NLGN4X: variants seen among roughly 807,000 people sequenced by gnomAD.
NLGN4X encodes the protein neuroligin-4, X-linked.
A neutral mutation model predicts 40.3 loss-of-function variants in NLGN4X; 3 were observed. The observed-to-expected ratio is 0.07, with a 90% CI of 0.03 to 0.19. The LOEUF (loss-of-function observed/expected upper bound fraction) is 0.19. Among genes scored for constraint, NLGN4X ranks in the 10% least tolerant of loss-of-function variants. The pLI is 1.00. For missense variants in NLGN4X, 382 were observed against 708.3 expected, an observed-to-expected ratio of 0.54 and a Z score of 5.23; for synonymous variants, 270 against 306.8, an observed-to-expected ratio of 0.88 and a Z score of 1.25.
At chrX:6,068,270 G>C (rs1358815345) in intron 2 of NLGN4X, among the ~76,000 whole-genome samples, 3 of 111,876 alleles carry the variant, frequency 2.7e-5, no homozygotes, top group African/African-American at 9.7e-5. Context: ...ACCCTGGTCA[G>C]CAGTTGGGTT....
intron 1 of NLGN4X, among the ~76,000 whole-genome samples, chrX:6,216,806 T>G (rs748912848): frequency 8.9e-6 from 1 of 112,095 alleles, no homozygotes; most frequent in Middle Eastern, 4.2e-3. Context: ...TTTTAAGAGA[T>G]GGAGTGTCAC....
At chrX:5,910,320 TAA>T (rs1272100313) in intron 3 of NLGN4X, among the ~76,000 whole-genome samples, 1 of 103,166 alleles carries the variant, frequency 9.7e-6, no homozygotes, top group Non-Finnish European at 2.0e-5. Context: ...AAAGAATTTT[TAA>T]AAGTTTTTTT....
intron 1 of NLGN4X, among the ~76,000 whole-genome samples, chrX:6,226,324 A>G (rs1236719332): frequency 1.2e-5 from 1 of 81,561 alleles, no homozygotes; most frequent in African/African-American, 4.8e-5. Context: ...CGCAGTCCGG[A>G]AAAAAAAAAA....
chrX:6,104,332 C>A (rs1156706415), intron 2 of NLGN4X, among the ~76,000 whole-genome samples: 1 of 111,934 alleles, frequency 8.9e-6, no homozygotes, highest in Non-Finnish European at 1.9e-5. Flanking sequence ...ATAATCTTCC[C>A]AAGTAAGGGC....
chrX:6,010,545 T>TATTATTATTATTATTATTATTA (rs1569184098), intron 3 of NLGN4X, among the ~76,000 whole-genome samples: 2 of 105,547 alleles, frequency 1.9e-5, no homozygotes, highest in Non-Finnish European at 1.9e-5. Context: ...TTATTATTAT[T>TATTATTATTATTATTATTATTA]TTAGACGAAG....
intron 1 of NLGN4X, among the ~76,000 whole-genome samples, 182 bp downstream of exon 1, chrX:6,228,359 G>A (rs781154888): frequency 8.0e-5 from 9 of 112,084 alleles, no homozygotes; most frequent in Non-Finnish European, 1.3e-4. Context: ...ATGGGAGAAA[G>A]TCCTGTCCAA....
chrX:6,024,234 C>T (rs1429691719), intron 3 of NLGN4X, among the ~76,000 whole-genome samples: 1 of 111,087 alleles, frequency 9.0e-6, no homozygotes, highest in Non-Finnish European at 1.9e-5. Context: ...GGTGATAGGG[C>T]ATAGGTACTC....
At chrX:6,180,415 C>T (rs1303008516) in intron 1 of NLGN4X, among the ~76,000 whole-genome samples, 2 of 110,684 alleles carry the variant, frequency 1.8e-5, no homozygotes, top group African/African-American at 6.6e-5. Flanking sequence ...CTCTCTCTTC[C>T]TCCTGCTCCG....
chrX:6,185,138 ATTTATAT>A (rs1921884950), intron 1 of NLGN4X, among the ~76,000 whole-genome samples: 1 of 112,134 alleles, frequency 8.9e-6, no homozygotes, highest in African/African-American at 3.2e-5. Flanking sequence ...ACATTTTCTT[ATTTATAT>A]TTTAAACTGT....
intron 1 of NLGN4X, among the ~76,000 whole-genome samples, chrX:6,203,060 C>T (rs1602415258): frequency 8.9e-6 from 1 of 112,678 alleles, no homozygotes; most frequent in Non-Finnish European, 1.9e-5. Flanking sequence ...TCTTCTATCC[C>T]TACCTCTACT....
At chrX:6,144,005 A>G (rs1185122439) in intron 2 of NLGN4X, among the ~76,000 whole-genome samples, 1 of 112,122 alleles carries the variant, frequency 8.9e-6, no homozygotes, top group Non-Finnish European at 1.9e-5. Flanking sequence ...GACACTCAGG[A>G]GGCTGAAGTT....
intron 1 of NLGN4X, among the ~76,000 whole-genome samples, chrX:6,166,722 C>G (rs147935153): frequency 9.1e-6 from 1 of 110,452 alleles, no homozygotes. Flanking sequence ...CTATCTCATA[C>G]GAGTCTTATC....
chrX:6,211,817 C>T (rs1475463101), intron 1 of NLGN4X, among the ~76,000 whole-genome samples: 3 of 112,046 alleles, frequency 2.7e-5, no homozygotes, highest in Admixed American at 1.9e-4. Context: ...ACAAACTATA[C>T]AGTTATTTAC....
chrX:6,165,153 G>C (rs886543038), intron 1 of NLGN4X, among the ~76,000 whole-genome samples: 1 of 111,682 alleles, frequency 9.0e-6, no homozygotes, highest in Non-Finnish European at 1.9e-5. Context: ...CTCCAGAGAG[G>C]CTTCTTGTCC....
chrX:6,107,769 T>C, intron 2 of NLGN4X, among the ~76,000 whole-genome samples: 1 of 112,049 alleles, frequency 8.9e-6, no homozygotes, highest in Middle Eastern at 4.6e-3. Context: ...GTACCCATTG[T>C]TTAGCTCCCA....
At chrX:6,073,211 C>A (rs1424014550) in intron 2 of NLGN4X, among the ~76,000 whole-genome samples, 1 of 111,838 alleles carries the variant, frequency 8.9e-6, no homozygotes, top group Non-Finnish European at 1.9e-5. Flanking sequence ...TCACCCCCTG[C>A]CTTCTCCAGG....
At chrX:5,952,421 TCTTACGTAAGACC>T (rs1046816023) in intron 3 of NLGN4X, among the ~76,000 whole-genome samples, 9 of 110,782 alleles carry the variant, frequency 8.1e-5, no homozygotes, top group African/African-American at 3.0e-4. Flanking sequence ...GGATGGGGTT[TCTTACGTAAGACC>T]CTCTATGGCT....
chrX:6,062,978 G>A (rs2037808703), intron 2 of NLGN4X, among the ~76,000 whole-genome samples: 1 of 110,874 alleles, frequency 9.0e-6, no homozygotes, highest in Non-Finnish European at 1.9e-5. Flanking sequence ...CCTTGGCACT[G>A]GCTGTTCCCT....
rs1419401919 is a variant in NLGN4X, at chrX:6,147,117, CTTTAT to C, written c.472+3873_472+3877del. 4.5e-5 allele frequency among the ~76,000 whole-genome samples: 5 copies of C among 111,887 alleles called. No individual in the cohort carries two copies. In the Middle Eastern group the frequency reaches 0.014, roughly 311 times the overall value. On this transcript the variant is annotated intron_variant, in intron 2 of 5. Transcript: ENST00000381095. ...GATAATGACTTTCATTTATATTTTC[CTTTAT>C]ATTTCCCAGTATTTTTAGTCCCATG...
Sources: allele counts gnomAD v4.1 joint callset (sites outside exome capture counted in the v4.1 genomes callset), GRCh38; gene constraint gnomAD v4.1.1; transcripts MANE v1.5; gene names NCBI Gene and HGNC (gene_info 2026-07-23, HGNC 2026-07-21).